Variants in TENM2 observed in about 807,000 individuals in gnomAD.
TENM2 encodes teneurin-2.
In TENM2, 52 loss-of-function variants were observed where a neutral mutation model predicts 245.2. That is an observed-to-expected ratio of 0.21 (90% CI 0.17 to 0.27). The LOEUF is 0.27. Ranked by LOEUF, TENM2 falls within the 10% of genes least tolerant of loss-of-function variation. The pLI is 1.00. For synonymous variants in TENM2, 1,363 were observed against 1,438.9 expected (o/e 0.95, Z 1.19); for missense variants, 3,046 against 3,666.8 (o/e 0.83, Z 4.37).
intron 2 of TENM2, among the ~76,000 whole-genome samples, chr5:167,493,756 C>T (rs1768596894): frequency 6.6e-6 from 1 of 151,952 alleles, no homozygotes; most frequent in African/African-American, 2.4e-5. Flanking sequence ...GGGGTCCACT[C>T]ATTTATTCGG....
intron 7 of TENM2, among the ~76,000 whole-genome samples, chr5:168,086,082 C>T (rs191215035): frequency 3.3e-5 from 5 of 152,278 alleles, no homozygotes; most frequent in East Asian, 3.9e-4. Flanking sequence ...AACATCTTCC[C>T]GAAGGGCAAT....
chr5:167,653,345 C>G (rs1254201233), intron 2 of TENM2: 2 of 152,084 alleles, frequency 1.3e-5, no homozygotes, highest in Non-Finnish European at 2.9e-5. Context: ...GCATTGAAGT[C>G]CCGGGCTTAA....
chr5:168,069,210 T>G (rs932049672), intron 7 of TENM2, among the ~76,000 whole-genome samples: 1 of 152,206 alleles, frequency 6.6e-6, no homozygotes, highest in Non-Finnish European at 1.5e-5. Context: ...CTTGTATGAC[T>G]TTATCTGAGC....
At chr5:168,154,028 C>T (rs767670782) in intron 12 of TENM2, among the ~76,000 whole-genome samples, 7 of 151,638 alleles carry the variant, frequency 4.6e-5, no homozygotes, top group Non-Finnish European at 1.0e-4. Flanking sequence ...CCAGTGCAAC[C>T]GGGTGATAAC....
chr5:167,640,830 A>AATATATATATCCATATATATATATATCC (rs1779506751), intron 2 of TENM2, among the ~76,000 whole-genome samples: 1 of 101,294 alleles, frequency 9.9e-6, no homozygotes, highest in African/African-American at 3.3e-5. Context: ...TAGAAATAGA[A>AATATATATATCCATATATATATATATCC]ATATATATAT....
At chr5:167,455,721 T>C (rs922442755) in intron 2 of TENM2, among the ~76,000 whole-genome samples, 7 of 152,178 alleles carry the variant, frequency 4.6e-5, no homozygotes, top group African/African-American at 1.7e-4. Context: ...CTCCTTGGGT[T>C]TATATAGCTT....
chr5:167,053,985 G>C, the TENM2 span, among the ~76,000 whole-genome samples: 1 of 152,062 alleles, frequency 6.6e-6, no homozygotes, highest in Non-Finnish European at 1.5e-5. Flanking sequence ...TCTTCCACTA[G>C]AACATCCTCC....
chr5:167,681,625 T>TTATATA lies in TENM2; in HGVS notation c.503-194355_503-194350dup, dbSNP rs10669024. On this transcript the variant is annotated intron_variant, in intron 2 of 28. Coordinates refer to ENST00000518659, the Ensembl canonical transcript of TENM2. ...ATCCATATTCTAGCTATGTATTTGT[T>TTATATA]TATATATATATGCCCATGTTCTAAT... Among the ~76,000 whole-genome samples, 79 of 151,488 alleles carry TTATATA rather than the reference T, an allele frequency of 5.2e-4. 1 individual carries two copies. The East Asian group carries it at 0.012, about 23-fold the overall frequency.
the TENM2 span, among the ~76,000 whole-genome samples, chr5:167,252,451 G>C: frequency 1.3e-5 from 2 of 152,104 alleles, no homozygotes; most frequent in Non-Finnish European, 2.9e-5. Flanking sequence ...GTTGTCATTT[G>C]GGGGAAGAAG....
At chr5:167,479,563 T>C (rs1036738741) in intron 2 of TENM2, among the ~76,000 whole-genome samples, 38 of 152,302 alleles carry the variant, frequency 2.5e-4, no homozygotes, top group Admixed American at 1.8e-3. Flanking sequence ...ATTTAAAATA[T>C]TATTACCTGG....
At chr5:167,204,297 C>G in the TENM2 span, among the ~76,000 whole-genome samples, 1 of 152,058 alleles carries the variant, frequency 6.6e-6, no homozygotes, top group Non-Finnish European at 1.5e-5. Context: ...TAGACAACAG[C>G]ATAATTTCCC....
chr5:168,158,850 T>TATATATATATATATATATATGCAC (rs1339051385), intron 12 of TENM2, among the ~76,000 whole-genome samples: 1 of 62,334 alleles, frequency 1.6e-5, no homozygotes, highest in Non-Finnish European at 3.1e-5. Flanking sequence ...TATATATATA[T>TATATATATATATATATATATGCAC]ACACACACAC....
chr5:167,251,423 C>G, the TENM2 span, among the ~76,000 whole-genome samples: 1 of 152,070 alleles, frequency 6.6e-6, no homozygotes, highest in Admixed American at 6.6e-5. Flanking sequence ...ATGCCTAATG[C>G]TTATATATCT....
intron 25 of TENM2, among the ~76,000 whole-genome samples, chr5:168,235,953 G>A (rs1279220752): frequency 6.6e-6 from 1 of 152,144 alleles, no homozygotes; most frequent in East Asian, 1.9e-4. Flanking sequence ...AATTTCCCAG[G>A]CATGGAGTTG....
chr5:167,134,069 A>G, the TENM2 span, among the ~76,000 whole-genome samples: 2 of 152,340 alleles, frequency 1.3e-5, no homozygotes, highest in African/African-American at 4.8e-5. Context: ...TAGAATAGTC[A>G]TCAAAGATAA....
chr5:168,183,184 G>A (rs181732043), intron 13 of TENM2, among the ~76,000 whole-genome samples: 1 of 152,126 alleles, frequency 6.6e-6, no homozygotes, highest in Non-Finnish European at 1.5e-5. Flanking sequence ...TGCATGTAGG[G>A]TCAATAAGAT....
intron 2 of TENM2, among the ~76,000 whole-genome samples, chr5:167,835,920 T>C (rs1768946790): frequency 6.6e-6 from 1 of 152,182 alleles, no homozygotes; most frequent in African/African-American, 2.4e-5. Flanking sequence ...AAACAACAGT[T>C]ACCCCTGGGA....
intron 2 of TENM2, among the ~76,000 whole-genome samples, chr5:167,486,618 G>A (rs986184397): frequency 6.6e-6 from 1 of 152,044 alleles, no homozygotes; most frequent in East Asian, 1.9e-4. Flanking sequence ...GTTAGCCACC[G>A]TGCCCGGCCT....
chr5:167,688,584 C>T (rs979730633), intron 2 of TENM2, among the ~76,000 whole-genome samples: 1 of 152,218 alleles, frequency 6.6e-6, no homozygotes, highest in Admixed American at 6.5e-5. Context: ...CAGATTTATA[C>T]AAACCCATCT....
Sources: allele counts gnomAD v4.1 joint callset (sites outside exome capture counted in the v4.1 genomes callset), GRCh38; gene constraint gnomAD v4.1.1; transcripts MANE v1.5; gene names NCBI Gene and HGNC (gene_info 2026-07-23, HGNC 2026-07-21).